The following LDAH variants were observed in gnomAD, a reference collection of about 807,000 sequenced individuals.
LDAH encodes lipid droplet-associated hydrolase.
In LDAH, 26 loss-of-function variants were observed where a neutral mutation model predicts 29.6. The ratio of observed to expected loss-of-function variants is 0.88; its 90% CI spans 0.64 to 1.22. LDAH has a LOEUF of 1.22. Among genes scored for constraint, LDAH ranks in the 50% most tolerant of loss-of-function variants. The pLI, the probability that LDAH is intolerant of heterozygous loss-of-function variation, is 0.00. For missense variants in LDAH, 344 were observed against 387.3 expected, an observed-to-expected ratio of 0.89 and a Z score of 0.94; for synonymous variants, 117 against 133.0, an observed-to-expected ratio of 0.88 and a Z score of 0.83.
intron 4 of LDAH, among the ~76,000 whole-genome samples, chr2:20,746,392 G>A (rs1667571276): frequency 6.6e-6 from 1 of 152,176 alleles, no homozygotes; most frequent in South Asian, 2.1e-4. Context: ...ATAACAAATT[G>A]AGAATTAAAA....
chr2:20,793,471 T>C (rs1671103014), intron 2 of LDAH, among the ~76,000 whole-genome samples: 1 of 152,132 alleles, frequency 6.6e-6, no homozygotes, highest in Non-Finnish European at 1.5e-5. Flanking sequence ...CTTGAAGAAA[T>C]GGAAGACAGT....
chr2:20,693,362 T>A (rs1190163421), intron 6 of LDAH, among the ~76,000 whole-genome samples: 1 of 152,224 alleles, frequency 6.6e-6, no homozygotes, highest in Non-Finnish European at 1.5e-5. Flanking sequence ...TTCTGATAAG[T>A]TGTTTTTGAC....
At chr2:20,776,205 A>G (rs1276244817) in intron 3 of LDAH, among the ~76,000 whole-genome samples, 1 of 150,984 alleles carries the variant, frequency 6.6e-6, no homozygotes, top group Non-Finnish European at 1.5e-5. Context: ...CAGAAAAACT[A>G]CTCTTCTGTT....
chr2:20,738,640 C>T (rs1172979094), intron 5 of LDAH, among the ~76,000 whole-genome samples: 1 of 152,094 alleles, frequency 6.6e-6, no homozygotes, highest in African/African-American at 2.4e-5. Context: ...CAACATCAAC[C>T]TCTGGCAATT....
intron 2 of LDAH, among the ~76,000 whole-genome samples, chr2:20,797,762 CA>C (rs1324677394): frequency 6.6e-6 from 1 of 151,882 alleles, no homozygotes; most frequent in East Asian, 1.9e-4. Context: ...AAAATTCTTG[CA>C]AATGCAAAAA....
chr2:20,726,238 G>C (rs1329214215), intron 5 of LDAH, among the ~76,000 whole-genome samples: 2 of 152,234 alleles, frequency 1.3e-5, no homozygotes, highest in Admixed American at 1.3e-4. Flanking sequence ...AGAGGAGGCA[G>C]GGTAGGAGCT....
At chr2:20,817,325 C>A (rs1490878799) in intron 1 of LDAH, among the ~76,000 whole-genome samples, 1 of 151,932 alleles carries the variant, frequency 6.6e-6, no homozygotes, top group Non-Finnish European at 1.5e-5. Context: ...ATTACTAATA[C>A]AGTAGCAATA....
At position 20,742,793 on chromosome 2, in the gene LDAH, C is replaced by CTTTT. The variant is rs71391767; in HGVS notation, c.469-2592_469-2589dup. Among the ~76,000 whole-genome samples, 981 of 114,380 alleles carry CTTTT rather than the reference C, an allele frequency of 8.6e-3. 16 individuals carry two copies. Among genetic ancestry groups the CTTTT allele is most frequent in the African/African-American group, 0.028 (930 of 32,710 alleles). 75.0% of individuals were successfully genotyped at this position (114,380 alleles called of 152,430 possible). A position where few individuals can be genotyped will look rare whatever the true frequency, so the allele number is the denominator to read the frequency against. ...TGCTTTTCTTTTTCTTTTCTTTTTC[C>CTTTT]TTTTTTTTTTTTTTTTTTGAGACAG... On this transcript the variant is annotated intron_variant, in intron 4 of 6. Transcript: ENST00000237822.
chr2:20,687,053 T>A lies in LDAH; in HGVS notation c.828A>T (p.Lys276Asn). 1 of 1,613,860 alleles carries A rather than the reference T, an allele frequency of 6.2e-7. No homozygotes were observed. Residue 276 changes from lysine to asparagine, a missense_variant, in exon 7 of 7, where the codon AAA (lysine) becomes AAT (asparagine). By Grantham distance (94) the Lys-to-Asn change is moderately conservative (BLOSUM62 0). Transcript: ENST00000237822. Reference protein sequence around the residue: ...YYGTIDPWCPKEYYEDIKKDF... With the variant: ...YYGTIDPWCPNEYYEDIKKDF... ...CCTTCTTAATGTCTTCATAGTACTC[T>A]TTTGGACACCAAGGATCTATAGTAC...
At chr2:20,694,912 G>A (rs541438535) in intron 6 of LDAH, among the ~76,000 whole-genome samples, 11 of 152,316 alleles carry the variant, frequency 7.2e-5, no homozygotes, top group African/African-American at 2.2e-4. Context: ...TCTTTCTCAC[G>A]TGAGACTGCA....
At chr2:20,795,797 T>G (rs553865825) in intron 2 of LDAH, among the ~76,000 whole-genome samples, 1 of 152,254 alleles carries the variant, frequency 6.6e-6, no homozygotes, top group East Asian at 1.9e-4. Context: ...TTTTGCTAGC[T>G]GCAAAAGCAA....
At chr2:20,707,903 C>G (rs896225498) in intron 5 of LDAH, among the ~76,000 whole-genome samples, 3 of 152,166 alleles carry the variant, frequency 2.0e-5, no homozygotes, top group Admixed American at 6.5e-5. Context: ...TGTCAGATCA[C>G]TGGCAGCATT....
At chr2:20,730,399 A>G (rs1666316706) in intron 5 of LDAH, among the ~76,000 whole-genome samples, 2 of 152,170 alleles carry the variant, frequency 1.3e-5, no homozygotes, top group Non-Finnish European at 2.9e-5. Context: ...TGCTTTCCAG[A>G]GTGGGTGCAC....
intron 4 of LDAH, among the ~76,000 whole-genome samples, chr2:20,742,770 C>G (rs1458776378): frequency 6.9e-6 from 1 of 144,920 alleles, no homozygotes; most frequent in Non-Finnish European, 1.5e-5. Flanking sequence ...TTAATTAGTG[C>G]TTTTCTTTTT....
intron 5 of LDAH, among the ~76,000 whole-genome samples, chr2:20,715,485 C>T (rs1572460494): frequency 6.6e-6 from 1 of 152,180 alleles, no homozygotes; most frequent in East Asian, 1.9e-4. Context: ...CAGGGATGCC[C>T]TATCTCACCA....
intron 4 of LDAH, among the ~76,000 whole-genome samples, chr2:20,745,690 C>T (rs987345787): frequency 2.6e-5 from 4 of 152,032 alleles, no homozygotes; most frequent in African/African-American, 9.7e-5. Context: ...ATAATTGAGG[C>T]TAATAACTAA....
At chr2:20,798,088 TAACG>T (rs1671428071) in intron 2 of LDAH, among the ~76,000 whole-genome samples, 1 of 152,188 alleles carries the variant, frequency 6.6e-6, no homozygotes, top group South Asian at 2.1e-4. Flanking sequence ...TGCCCTCCAT[TAACG>T]CCCTCCATTT....
At chr2:20,784,406 C>CTAAA (rs886565462) in intron 3 of LDAH, among the ~76,000 whole-genome samples, 8 of 151,848 alleles carry the variant, frequency 5.3e-5, no homozygotes, top group Non-Finnish European at 1.0e-4. Context: ...GACTGTATCT[C>CTAAA]TAAATAAATA....
chr2:20,715,200 T>A (rs1665077782), intron 5 of LDAH, among the ~76,000 whole-genome samples: 1 of 152,206 alleles, frequency 6.6e-6, no homozygotes. Context: ...GTTGGCTTCA[T>A]CCCTGGGACG....
Sources: gnomAD v4.1 joint callset for allele counts (sites outside exome capture counted in the v4.1 genomes callset) on GRCh38, gnomAD v4.1.1 for gene constraint, MANE v1.5 for transcripts, NCBI Gene and HGNC (gene_info 2026-07-23, HGNC 2026-07-21) for gene names.